The following YIPF3 variants were observed in gnomAD, a reference collection of about 807,000 sequenced individuals.
The protein encoded by YIPF3 is protein YIPF3.
Under a neutral mutation model 40.3 loss-of-function variants are expected in YIPF3, and 18 were observed. That is an observed-to-expected ratio of 0.45 (90% confidence interval 0.31 to 0.66). YIPF3 has a LOEUF of 0.66. YIPF3 is among the 30% of genes least tolerant of loss of function. The pLI is 0.07. For missense variants in YIPF3, 406 were observed against 452.2 expected (o/e 0.90, Z 0.93); for synonymous variants, 190 against 179.6 (o/e 1.06, Z -0.46).
chr6:43,516,323 TCTC>T, intron 1 of YIPF3: 12 of 1,006,124 alleles, frequency 1.2e-5, no homozygotes, highest in Non-Finnish European at 1.5e-5. Flanking sequence ...TTCATGTCTT[TCTC>T]CTATGTTACC....
At chr6:43,515,805 G>A (rs1792803436) in intron 2 of YIPF3, 84 bp downstream of exon 2, 27 of 1,596,418 alleles carry the variant, frequency 1.7e-5, no homozygotes, top group Non-Finnish European at 2.3e-5. Flanking sequence ...GACAACCTGG[G>A]GCGAACATCA....
intron 4 of YIPF3, 33 bp downstream of exon 4, chr6:43,513,555 C>T (rs1363141564): frequency 3.1e-6 from 5 of 1,595,580 alleles, no homozygotes; most frequent in Non-Finnish European, 4.3e-6. Flanking sequence ...TGGTGCTTCC[C>T]CCGGCTCTCC....
Position 43,516,536 on chromosome 6 carries a change from C to T in YIPF3, c.81+191G>A. 3 of 702,004 alleles carry T rather than the reference C, an allele frequency of 4.3e-6. 1 individual carries two copies. Among genetic ancestry groups the T allele is most frequent in the South Asian group, 4.0e-5 (2 of 50,512 alleles). 43.5% of individuals were successfully genotyped at this position (702,004 alleles called of 1,614,324 possible). ...TCGGGCGGGCCCTGAAACCCGAGAT[C>T]CTCAGGCTGGAGTAGTAGTCTGGCC... On this transcript the variant is annotated intron_variant, in intron 1 of 8. Coordinates refer to ENST00000372422, the MANE Select transcript of YIPF3 (RefSeq NM_015388.4).
intron 1 of YIPF3, chr6:43,516,320 C>G (rs1360556554): frequency 2.9e-6 from 3 of 1,032,844 alleles, no homozygotes; most frequent in African/African-American, 1.6e-5. Context: ...CCATTCATGT[C>G]TTTCTCCTAT....
At chr6:43,515,376 T>G in intron 3 of YIPF3, 1 of 647,690 alleles carries the variant, frequency 1.5e-6, no homozygotes, top group East Asian at 3.1e-5. Flanking sequence ...AAGTGACATC[T>G]GAGGTAGGTT....
intron 5 of YIPF3, 25 bp downstream of exon 5, chr6:43,513,334 C>A (rs967830522): frequency 2.5e-6 from 4 of 1,614,020 alleles, no homozygotes; most frequent in South Asian, 1.1e-5. Flanking sequence ...GCAGCCACCC[C>A]CCCAAAGTTG....
chr6:43,515,662 T>C lies in YIPF3; in HGVS notation c.328A>G (p.Ser110Gly), dbSNP rs754679857. 6.2e-7 allele frequency: 1 copy of C among 1,614,054 alleles called. No homozygotes were observed. The highest frequency in any genetic ancestry group is 8.5e-7 in the Non-Finnish European group (1 of 1,180,040). ...AGGATGTCGATGTTGGCGTACAAGC[T>C]GAAGGCCCTGGAGGCTTGTCTTTTC... ...AGKRQASRAF[S>G]LYANIDILRP... is the part of the protein sequence containing the mutation. The change falls in exon 3 of 9, where the codon AGC becomes GGC. Residue 110 changes from serine (S) to glycine (G), a missense_variant. Physicochemically the swap from Ser to Gly is moderately conservative, Grantham distance 56. Transcript: ENST00000372422.
Position 43,516,109 on chromosome 6 carries a change from G to T in YIPF3, c.82-14C>A. The T allele has an allele frequency of 6.2e-7, 1 of 1,614,040 alleles. No homozygotes were observed. Among genetic ancestry groups the T allele is most frequent in the Non-Finnish European group, 8.5e-7 (1 of 1,179,976 alleles). The stretch of plus-strand genomic sequence containing the variant: ...TGAGCCTCCGCCCTGTGAAGACAAT[G>T]GCTCCTAGAGTGCAGGACTTTTCTG... On this transcript the variant is annotated splice_polypyrimidine_tract_variant and intron_variant, in intron 1 of 8. Coordinates refer to ENST00000372422, the MANE Select transcript of YIPF3 (RefSeq NM_015388.4).
chr6:43,516,049 G>A lies in YIPF3; in HGVS notation c.128C>T (p.Ser43Leu). 6.2e-7 allele frequency: 1 copy of A among 1,614,248 alleles called. No homozygotes were observed. The highest frequency in any genetic ancestry group is 8.5e-7 in the Non-Finnish European group (1 of 1,180,044). The part of the protein sequence containing the change: ...VIDMENMDDT[S>L]GSSFEDMGEL... ...ACCCATATCCTCGAAGCTAGAGCCT[G>A]AGGTATCATCCATGTTCTCCATGTC... The change falls in exon 2 of 9, where the codon TCA becomes TTA. Residue 43 changes from serine (S) to leucine (L), a missense_variant. By Grantham distance (145) the Ser-to-Leu change is moderately radical. Transcript: ENST00000372422.
rs1217268258 is a variant in YIPF3 at position 43,516,734 on chromosome 6, T to C, written c.74A>G (p.Asn25Ser). The change falls in exon 1 of 9, where the codon AAC becomes AGC. Residue 25 changes from asparagine (N) to serine (S), a missense_variant. Transcript: ENST00000372422. The part of the protein sequence containing the change: ...AGPEWGGFEE[N>S]IQGGGSAVID... ...GTGCCTTGGGGCCATTACCTGGATG[T>C]TTTCTTCGAACCCTCCCCATTCCGG... 3.1e-6 allele frequency: 5 copies of C among 1,612,728 alleles called. No homozygotes were observed. The highest frequency in any genetic ancestry group is 4.2e-6 in the Non-Finnish European group (5 of 1,179,618).
intron 2 of YIPF3, 37 bp downstream of exon 2, chr6:43,515,852 C>T (rs777359318): frequency 6.3e-7 from 1 of 1,583,676 alleles, no homozygotes; most frequent in Non-Finnish European, 8.6e-7. Flanking sequence ...ATACCTAGGT[C>T]TACTTTTCTA....
Position 43,513,080 on chromosome 6 carries a change from A to C in YIPF3, c.655T>G (p.Leu219Val), listed in dbSNP as rs748724374. The change falls in exon 6 of 9, where the codon TTG becomes GTG. Residue 219 changes from leucine (L) to valine (V), a missense_variant. Leu to Val is a conservative substitution (Grantham distance 32). Transcript: ENST00000372422. ...CNAQITMLQMLALLGYGLFGH... is the reference protein window; with the variant it reads ...CNAQITMLQMVALLGYGLFGH... ...ACCTGGCTCCTTACCAGCAGTGCCA[A>C]CATCTGCAGCATGGTGATCTGGGCG... is the stretch of plus-strand genomic sequence containing the variant. 1.2e-6 allele frequency: 2 copies of C among 1,614,084 alleles called. No individual in the cohort carries two copies. Among genetic ancestry groups the C allele is most frequent in the South Asian group, 2.2e-5 (2 of 91,084 alleles).
chr6:43,516,019 A>G lies in YIPF3; in HGVS notation c.158T>C (p.Leu53Pro), dbSNP rs1554131040. ...SGSSFEDMGE[L>P]HQRLREEEVD... ...TTCTTCCTCGCGCAGGCGCTGATGC[A>G]GCTCACCCATATCCTCGAAGCTAGA... Residue 53 changes from leucine (L) to proline (P), a missense_variant, in exon 2 of 9, where the codon CTG (leucine) becomes CCG (proline). Leu to Pro is a moderately conservative substitution (Grantham distance 98). Coordinates refer to ENST00000372422, the MANE Select transcript of YIPF3 (RefSeq NM_015388.4). 6.2e-7 allele frequency: 1 copy of G among 1,614,226 alleles called. No homozygotes were observed.
At chr6:43,516,626 TA>T in intron 1 of YIPF3, 100 bp downstream of exon 1, 1 of 1,395,730 alleles carries the variant, frequency 7.2e-7, no homozygotes, top group Non-Finnish European at 9.9e-7. Flanking sequence ...GAGAGTTTTG[TA>T]AATGGAGCGG....
chr6:43,515,183 A>G (rs1024492642), intron 3 of YIPF3: 10 of 423,522 alleles, frequency 2.4e-5, no homozygotes, highest in African/African-American at 1.8e-4. Flanking sequence ...TAGTAGAGAC[A>G]GGGTTTCACC....
In YIPF3 at chr6:43,516,879, G is replaced by T; in HGVS notation, c.-72C>A. 3 of 1,501,270 alleles carry T rather than the reference G, an allele frequency of 2.0e-6. No individual in the cohort carries two copies. 93.0% of individuals were successfully genotyped at this position (1,501,270 alleles called of 1,614,324 possible). On this transcript the variant is annotated 5_prime_UTR_variant, in exon 1 of 9. Coordinates refer to ENST00000372422, the MANE Select transcript of YIPF3 (RefSeq NM_015388.4). ...CGGAGTGGGCAAGATGTGGGCCTCC[G>T]GAAGGTAGACGTCCAGGGTCGAGGA... is the stretch of plus-strand genomic sequence containing the variant.
At chr6:43,512,725 G>A (rs764508975) in intron 7 of YIPF3, 36 bp downstream of exon 7, 3 of 1,598,092 alleles carry the variant, frequency 1.9e-6, no homozygotes, top group Non-Finnish European at 2.6e-6. Flanking sequence ...TCCCTGGGAG[G>A]ACAGCCCACC....
At chr6:43,515,540 G>T in intron 3 of YIPF3, 55 bp downstream of exon 3, 16 of 1,578,904 alleles carry the variant, frequency 1.0e-5, no homozygotes, top group Non-Finnish European at 1.4e-5. Context: ...TGACTGTAGT[G>T]TGCATGAAGG....
Position 43,512,220 on chromosome 6 carries a change from T to C in YIPF3, c.1000A>G (p.Thr334Ala). ...GCTTTGGCTGTGGCGTTGAGGACGG[T>C]GGTGGGAAGCCGAGCAGCAGGGAGC... ...AMLPAARLPT[T>A]VLNATAKAVA... Residue 334 changes from threonine to alanine, a missense_variant, in exon 9 of 9, where the codon ACC becomes GCC. By Grantham distance (58) the Thr-to-Ala change is moderately conservative. Transcript: ENST00000372422. The C allele has an allele frequency of 6.2e-7, 1 of 1,614,060 alleles. No individual in the cohort carries two copies. The highest frequency in any genetic ancestry group is 1.3e-5 in the African/African-American group (1 of 74,996).
Sources: allele counts gnomAD v4.1 joint callset, GRCh38; gene constraint gnomAD v4.1.1; transcripts MANE v1.5; gene names NCBI Gene and HGNC (gene_info 2026-07-23, HGNC 2026-07-21).